The following FRRS1L variants were observed in gnomAD, a reference collection of about 807,000 sequenced individuals.
FRRS1L encodes the protein ferric chelate reductase 1 like.
A neutral mutation model predicts 28.6 loss-of-function variants in FRRS1L; 22 were observed. The observed-to-expected ratio is 0.77, with a 90% confidence interval of 0.55 to 1.10. FRRS1L has a LOEUF of 1.10. Among genes scored for constraint, FRRS1L ranks in the 50% least tolerant of loss-of-function variants. The pLI, the probability that FRRS1L is intolerant of heterozygous loss-of-function variation, is 0.00. For missense variants in FRRS1L, 380 were observed against 386.9 expected, an observed-to-expected ratio of 0.98 and a Z score of 0.15; for synonymous variants, 158 against 151.4, an observed-to-expected ratio of 1.04 and a Z score of -0.32.
chr9:109,149,302 T>G (rs929484415), intron 2 of FRRS1L, among the ~76,000 whole-genome samples: 2 of 152,248 alleles, frequency 1.3e-5, no homozygotes, highest in Non-Finnish European at 2.9e-5. Context: ...TCATTGCCTG[T>G]CCTGCCCACA....
chr9:109,144,900 T>G (rs34959141), intron 3 of FRRS1L, among the ~76,000 whole-genome samples: 4 of 151,902 alleles, frequency 2.6e-5, no homozygotes, highest in South Asian at 2.1e-4. Context: ...GGCCAGGCTG[T>G]TCTCGAACTC....
At chr9:109,151,034 T>C (rs1292028865) in intron 1 of FRRS1L, 1 of 152,182 alleles carries the variant, frequency 6.6e-6, no homozygotes, top group African/African-American at 2.4e-5. Context: ...TTTGCTAATT[T>C]TGTCCATTAG....
In FRRS1L at chr9:109,145,961, C is replaced by G. The variant is rs73520969; in HGVS notation, c.462+1090G>C. On this transcript the variant is annotated intron_variant, in intron 3 of 4. Coordinates refer to ENST00000561981, the MANE Select transcript of FRRS1L (RefSeq NM_014334.4). ...CTGTAATCCCAGGACTCTGAGAGGT[C>G]GAGGTGGGTGGATCATCTGAGGTCA... 2.6e-5 allele frequency among the ~76,000 whole-genome samples: 4 copies of G among 152,006 alleles called. No individual in the cohort carries two copies. The South Asian group carries it at 8.3e-4, about 31-fold the overall frequency.
In FRRS1L at chr9:109,167,166, C is replaced by G; in HGVS notation, c.-28G>C. 8.7e-7 allele frequency: 1 copy of G among 1,145,290 alleles called. No homozygotes were observed. 70.9% of individuals were successfully genotyped at this position (1,145,290 alleles called of 1,614,324 possible). ...GTGCGCACAGATCCCGCAGCCAGGC[C>G]GCTCGGGCCGCAGCGGGGGCGCCGC... On this transcript the variant is annotated 5_prime_UTR_variant, in exon 1 of 5. Transcript: ENST00000561981.
chr9:109,153,124 T>G (rs1016862860), intron 1 of FRRS1L, among the ~76,000 whole-genome samples: 1 of 152,184 alleles, frequency 6.6e-6, no homozygotes, highest in Non-Finnish European at 1.5e-5. Context: ...CTCTAAAACC[T>G]TGGAATTTCC....
rs1413898457 is a variant in FRRS1L, at chr9:109,131,640, G to A, written c.*5815C>T. 6.6e-6 allele frequency: 1 copy of A among 152,208 alleles called. No individual in the cohort carries two copies. Among genetic ancestry groups the A allele is most frequent in the Admixed American group, 6.5e-5 (1 of 15,282 alleles). The allele number at this position is 152,208 out of a possible 1,614,324, so 9.4% of individuals were successfully genotyped here. A position where few individuals can be genotyped will look rare whatever the true frequency, so the allele number is the denominator to read the frequency against. ...AACAATTATGGGACATAACCCCATT[G>A]TAAGTTGTAGGAATGTATCAAATGT... On this transcript the variant is annotated 3_prime_UTR_variant, in exon 5 of 5. Coordinates refer to ENST00000561981, the MANE Select transcript of FRRS1L (RefSeq NM_014334.4).
At chr9:109,150,106 T>C (rs1350629104) in intron 1 of FRRS1L, 1 of 157,164 alleles carries the variant, frequency 6.4e-6, no homozygotes, top group Non-Finnish European at 1.4e-5. Context: ...TACTTGATAG[T>C]GGGATTTTTC....
rs552836402 is a variant in FRRS1L, at chr9:109,144,303, A to G, written c.463-2714T>C. 5.3e-5 allele frequency among the ~76,000 whole-genome samples: 8 copies of G among 152,286 alleles called. 1 individual carries two copies. The South Asian group carries it at 1.7e-3, about 32-fold the overall frequency. Reference sequence around the variant, plus strand: ...AGACCAGCCACTGCTTAGACTGCTTATCAGTCTTTTCCTACGACACACCTA... The same window carrying G: ...AGACCAGCCACTGCTTAGACTGCTTGTCAGTCTTTTCCTACGACACACCTA... On this transcript the variant is annotated intron_variant, in intron 3 of 4. Transcript: ENST00000561981.
At chr9:109,141,615 A>C (rs748077887) in intron 3 of FRRS1L, 26 bp from the exon 4 acceptor site, 1 of 1,596,818 alleles carries the variant, frequency 6.3e-7, no homozygotes, top group South Asian at 1.1e-5. Context: ...ATTGAGAAAA[A>C]AAAAAGTCAA....
chr9:109,154,794 A>G (rs751655093), intron 1 of FRRS1L, among the ~76,000 whole-genome samples: 1 of 152,224 alleles, frequency 6.6e-6, no homozygotes, highest in Non-Finnish European at 1.5e-5. Flanking sequence ...TACGTCTTAG[A>G]AAAGCAATAT....
In FRRS1L at chr9:109,149,736, A is replaced by G. The variant is rs762849451; in HGVS notation, c.239-16T>C. The G allele has an allele frequency of 4.8e-5, 75 of 1,564,410 alleles. 1 individual carries two copies. The South Asian group carries it at 7.7e-4, about 16-fold the overall frequency. ...AAGGGGTAACCTGGGCAGTGAGAATAAAGAAGGGTTAGAAAATCCAGTAAC... is the reference window on the plus strand; with the variant it reads ...AAGGGGTAACCTGGGCAGTGAGAATGAAGAAGGGTTAGAAAATCCAGTAAC... On this transcript the variant is annotated splice_polypyrimidine_tract_variant and intron_variant, in intron 1 of 4. Transcript: ENST00000561981.
In FRRS1L at chr9:109,167,061, G is replaced by T; in HGVS notation, c.78C>A (p.Cys26Ter). Residue 26 changes from cysteine (C) to a stop codon, truncating the protein, a stop_gained, in exon 1 of 5, where the codon TGC becomes TGA. Transcript: ENST00000561981. LOFTEE classifies it high-confidence loss of function. ...LLLLLTGPAA[C>*]AASPADDGAG... is the part of the protein sequence containing the mutation. ...CACCGTCGTCCGCGGGGCTGGCTGC[G>T]CAGGCGGCGGGCCCCGTCAGTAGCA... 8.5e-7 allele frequency: 1 copy of T among 1,179,808 alleles called. No homozygotes were observed. Among genetic ancestry groups the T allele is most frequent in the South Asian group, 4.0e-5 (1 of 25,142 alleles). The allele number at this position is 1,179,808 out of a possible 1,614,324, so 73.1% of individuals were successfully genotyped here.
Position 109,137,689 on chromosome 9 carries a change from G to C in FRRS1L, c.710-62C>G, listed in dbSNP as rs1189231160. On this transcript the variant is annotated intron_variant, in intron 4 of 4. Transcript: ENST00000561981. Reference sequence around the variant, plus strand: ...AAAAGAACAGATTTATAATGGTATAGGCAAACAATGGAAAAATCAAAAGTC... The same window carrying C: ...AAAAGAACAGATTTATAATGGTATACGCAAACAATGGAAAAATCAAAAGTC... The C allele has an allele frequency of 3.9e-5, 41 of 1,043,290 alleles. 1 individual carries two copies. In the South Asian group the frequency reaches 9.7e-4, roughly 25 times the overall value. 64.6% of individuals were successfully genotyped at this position (1,043,290 alleles called of 1,614,324 possible).
chr9:109,138,203 C>T (rs1392681618), intron 4 of FRRS1L: 1 of 152,120 alleles, frequency 6.6e-6, no homozygotes, highest in East Asian at 1.9e-4. Flanking sequence ...GGATGTGTGT[C>T]TGTGTGTGTC....
At position 109,137,508 on chromosome 9, in the gene FRRS1L, A is replaced by C. The variant is rs781488129; in HGVS notation, c.829T>G (p.Cys277Gly). The change falls in exon 5 of 5, where the codon TGT (cysteine) becomes GGT (glycine). Residue 277 changes from cysteine (C) to glycine (G), a missense_variant. Physicochemically the swap from Cys to Gly is radical, Grantham distance 159. Transcript: ENST00000561981. ...GTCAGAGCAACAATCAGAAGCAAAC[A>C]AAATGGAGATGAGAAGGTTTGATAG... ...AAYQTFSSPF[C>G]LLLIVALTFY... 1.2e-6 allele frequency: 2 copies of C among 1,613,386 alleles called. No homozygotes were observed. The highest frequency in any genetic ancestry group is 2.7e-5 in the African/African-American group (2 of 74,932).
intron 2 of FRRS1L, chr9:109,147,910 T>C (rs1269631335): frequency 1.3e-5 from 2 of 152,168 alleles, no homozygotes; most frequent in African/African-American, 4.8e-5. Flanking sequence ...ATACACCAAA[T>C]GAATACCCCC....
At chr9:109,142,822 A>AT (rs1831204751) in intron 3 of FRRS1L, among the ~76,000 whole-genome samples, 3 of 137,414 alleles carry the variant, frequency 2.2e-5, no homozygotes, top group Non-Finnish European at 3.2e-5. Context: ...ATAAAAATAA[A>AT]AAAAAAAATA....
chr9:109,146,996 A>C lies in FRRS1L; in HGVS notation c.462+55T>G, dbSNP rs897781946. ...CAATTAACTTGCTTCTAAAATCAAAATAGCACAGCCAACTAAAGAGAAAAA... is the reference window on the plus strand; with the variant it reads ...CAATTAACTTGCTTCTAAAATCAAACTAGCACAGCCAACTAAAGAGAAAAA... On this transcript the variant is annotated intron_variant, in intron 3 of 4. Coordinates refer to ENST00000561981, the MANE Select transcript of FRRS1L (RefSeq NM_014334.4). 5 of 1,532,848 alleles carry C rather than the reference A, an allele frequency of 3.3e-6. No individual in the cohort carries two copies. In the African/African-American group the frequency reaches 4.1e-5, roughly 13 times the overall value. 95.0% of individuals were successfully genotyped at this position (1,532,848 alleles called of 1,614,324 possible). A position where few individuals can be genotyped will look rare whatever the true frequency, so the allele number is the denominator to read the frequency against.
intron 1 of FRRS1L, among the ~76,000 whole-genome samples, chr9:109,159,455 A>G (rs1187385091): frequency 2.0e-5 from 3 of 152,186 alleles, no homozygotes; most frequent in African/African-American, 7.2e-5. Context: ...TCACGAGGTC[A>G]GGGGTTCGAG....
Sources: gnomAD v4.1 joint callset for allele counts (sites outside exome capture counted in the v4.1 genomes callset) on GRCh38, gnomAD v4.1.1 for gene constraint, MANE v1.5 for transcripts, NCBI Gene and HGNC (gene_info 2026-07-23, HGNC 2026-07-21) for gene names.